Variants in CORIN observed in about 807,000 individuals in gnomAD.
The protein encoded by CORIN is atrial natriuretic peptide-converting enzyme.
CORIN carries 117 observed loss-of-function variants against 125.3 expected under a neutral mutation model. That is an observed-to-expected ratio of 0.93 (90% CI 0.80 to 1.09). CORIN has a LOEUF of 1.09. Ranked by LOEUF, CORIN falls within the 50% of genes least tolerant of loss-of-function variation. CORIN has a pLI of 0.00. For missense variants in CORIN, 1,253 were observed against 1,306.7 expected (o/e 0.96, Z 0.63); for synonymous variants, 450 against 466.4 (o/e 0.96, Z 0.45).
chr4:47,713,890 TG>T (rs1157357651), intron 5 of CORIN, among the ~76,000 whole-genome samples: 2 of 152,344 alleles, frequency 1.3e-5, no homozygotes, highest in Middle Eastern at 3.4e-3. Context: ...TAACCACTTT[TG>T]TTTTTTTGCT....
At chr4:47,637,372 A>G (rs559417865) in intron 16 of CORIN, among the ~76,000 whole-genome samples, 1 of 152,346 alleles carries the variant, frequency 6.6e-6, no homozygotes, top group African/African-American at 2.4e-5. Context: ...CGAGGAGCAG[A>G]ATGTTAATCC....
intron 1 of CORIN, among the ~76,000 whole-genome samples, chr4:47,826,701 T>C (rs181333051): frequency 2.4e-4 from 36 of 152,368 alleles, no homozygotes; most frequent in East Asian, 1.9e-3. Flanking sequence ...TTTATTTAAT[T>C]ACATTTGCAA....
chr4:47,676,705 A>G (rs1301392453), intron 9 of CORIN, among the ~76,000 whole-genome samples: 1 of 152,208 alleles, frequency 6.6e-6, no homozygotes, highest in Non-Finnish European at 1.5e-5. Context: ...TTACTTTTAA[A>G]TCTGTTTTAT....
In CORIN at chr4:47,683,802, T is replaced by C; in HGVS notation, c.950A>G (p.Lys317Arg). ...SENLFHCHTG[K>R]CLNYSLVCDG... ...ACACACAAGGCTGTAATTAAGGCAC[T>C]TGCCTGTGTGACAGTGAAACAGATT... Residue 317 changes from lysine (K) to arginine (R), a missense_variant, in exon 7 of 22, where the codon AAG becomes AGG. Coordinates refer to ENST00000273857, the MANE Select transcript of CORIN (RefSeq NM_006587.4). 1.2e-6 allele frequency: 2 copies of C among 1,613,650 alleles called. No individual in the cohort carries two copies. The highest frequency in any genetic ancestry group is 1.1e-5 in the South Asian group (1 of 91,032).
At chr4:47,627,455 T>C (rs542480384) in intron 16 of CORIN, among the ~76,000 whole-genome samples, 28 of 152,210 alleles carry the variant, frequency 1.8e-4, no homozygotes, top group Non-Finnish European at 2.9e-4. Context: ...GAATGAATTA[T>C]AAACATTTGA....
At chr4:47,674,305 G>T in intron 10 of CORIN, 88 bp downstream of exon 10, 1 of 936,428 alleles carries the variant, frequency 1.1e-6, no homozygotes, top group South Asian at 1.4e-5. Flanking sequence ...AGGGATTCCA[G>T]ACTTCAGTAT....
rs767231574 is a variant in CORIN, at chr4:47,595,845, C to G, written c.3005G>C (p.Gly1002Ala). ...GCAGACGGAGCCCCATGAAGTTAAT[C>G]CAAATAATGTCCACCGTCCTCCAGG... ...EKPGGRWTLF[G>A]LTSWGSVCFS... Residue 1002 changes from glycine to alanine, a missense_variant, in exon 22 of 22, where the codon GGA (glycine) becomes GCA (alanine). Gly to Ala is a moderately conservative substitution (Grantham distance 60). Coordinates refer to ENST00000273857, the MANE Select transcript of CORIN (RefSeq NM_006587.4). 13 of 1,613,836 alleles carry G rather than the reference C, an allele frequency of 8.1e-6. No homozygotes were observed. In the South Asian group the frequency reaches 1.4e-4, roughly 18 times the overall value.
chr4:47,828,128 C>T (rs1353472933), intron 1 of CORIN, among the ~76,000 whole-genome samples: 4 of 152,186 alleles, frequency 2.6e-5, no homozygotes, highest in Admixed American at 2.6e-4. Context: ...CTTACCCAGG[C>T]AGCACTCCTA....
intron 5 of CORIN, among the ~76,000 whole-genome samples, chr4:47,698,309 G>A (rs1726126258): frequency 6.6e-6 from 1 of 151,788 alleles, no homozygotes; most frequent in Non-Finnish European, 1.5e-5. Flanking sequence ...TAGGGTGCCA[G>A]GGCAGGCCTC....
intron 20 of CORIN, 70 bp downstream of exon 20, chr4:47,603,327 C>A (rs982236594): frequency 1.3e-6 from 2 of 1,494,882 alleles, no homozygotes; most frequent in African/African-American, 2.7e-5. Context: ...AAACTTCTTT[C>A]CTTTATAAAT....
intron 16 of CORIN, among the ~76,000 whole-genome samples, chr4:47,634,542 G>A (rs7689937): frequency 5.3e-5 from 8 of 152,182 alleles, no homozygotes; most frequent in African/African-American, 1.9e-4. Flanking sequence ...TCTGAGGCAG[G>A]AGAATCACTT....
chr4:47,755,608 G>C (rs971416878), intron 4 of CORIN, among the ~76,000 whole-genome samples: 4 of 152,094 alleles, frequency 2.6e-5, no homozygotes, highest in African/African-American at 9.7e-5. Context: ...TCATCCATTA[G>C]GTCCAGGATT....
chr4:47,623,462 G>T, intron 19 of CORIN, 109 bp downstream of exon 19: 1 of 1,160,112 alleles, frequency 8.6e-7, no homozygotes, highest in Non-Finnish European at 1.2e-6. Flanking sequence ...TAGATTAGCT[G>T]TGGCTTTCGC....
chr4:47,740,570 T>C (rs1728341094), intron 5 of CORIN, among the ~76,000 whole-genome samples: 1 of 152,002 alleles, frequency 6.6e-6, no homozygotes, highest in Non-Finnish European at 1.5e-5. Context: ...GATTGAATGG[T>C]ATATTTACAT....
chr4:47,721,017 A>C (rs1276279059), intron 5 of CORIN, among the ~76,000 whole-genome samples: 3 of 152,198 alleles, frequency 2.0e-5, no homozygotes, highest in African/African-American at 7.2e-5. Flanking sequence ...AAAACAGACT[A>C]CCACAGATGG....
intron 5 of CORIN, among the ~76,000 whole-genome samples, chr4:47,710,551 C>A (rs759402948): frequency 2.6e-5 from 4 of 151,708 alleles, no homozygotes; most frequent in Non-Finnish European, 5.9e-5. Flanking sequence ...ACTTTGGGGA[C>A]AAACAGCCAG....
rs1350616361 is a variant in CORIN, at chr4:47,759,629, T to A, written c.617+3750A>T. Among the ~76,000 whole-genome samples the A allele has an allele frequency of 6.6e-5, 10 of 152,144 alleles. No individual in the cohort carries two copies. In the East Asian group the frequency reaches 1.9e-3, roughly 29 times the overall value. ...ATGAAAAAATGTTAAACATCACTAA[T>A]TATCAGGGCAATGCAAATCAAAACC... On this transcript the variant is annotated intron_variant, in intron 4 of 21. Coordinates refer to ENST00000273857, the MANE Select transcript of CORIN (RefSeq NM_006587.4).
intron 5 of CORIN, among the ~76,000 whole-genome samples, chr4:47,711,637 C>T: frequency 6.6e-6 from 1 of 152,216 alleles, no homozygotes; most frequent in East Asian, 1.9e-4. Flanking sequence ...CACCTTGGAT[C>T]TCTTGCTTAA....
Position 47,801,965 on chromosome 4 carries a change from G to T in CORIN, c.208+4938C>A, listed in dbSNP as rs144760544. On this transcript the variant is annotated intron_variant, in intron 2 of 21. Coordinates refer to ENST00000273857, the MANE Select transcript of CORIN (RefSeq NM_006587.4). ...GCCACCTCTCCTTCATCCTCCAGCA[G>T]TGGGTGTGTGGCATGGAGAAATCGG... 2.5e-3 allele frequency among the ~76,000 whole-genome samples: 388 copies of T among 152,364 alleles called. 2 individuals carry two copies. The highest frequency in any genetic ancestry group is 8.5e-3 in the African/African-American group (352 of 41,594).
Sources: gnomAD v4.1 joint callset for allele counts (sites outside exome capture counted in the v4.1 genomes callset) on GRCh38, gnomAD v4.1.1 for gene constraint, MANE v1.5 for transcripts, NCBI Gene and HGNC (gene_info 2026-07-23, HGNC 2026-07-21) for gene names.